Variants in INF2 observed in about 807,000 individuals in gnomAD.
INF2 encodes the protein inverted formin-2.
A neutral mutation model predicts 123.5 loss-of-function variants in INF2; 43 were observed. The ratio of observed to expected loss-of-function variants is 0.35; its 90% CI spans 0.27 to 0.45. INF2 has a LOEUF of 0.45. INF2 is among the 20% of genes least tolerant of loss of function. The pLI is 1.00. For synonymous variants in INF2, 851 were observed against 745.0 expected (o/e 1.14, Z -2.32); for missense variants, 1,453 against 1,682.7 (o/e 0.86, Z 2.39).
chr14:104,713,195 C>T lies in INF2; in HGVS notation c.2776-12C>T. 2 of 1,560,212 alleles carry T rather than the reference C, an allele frequency of 1.3e-6. No individual in the cohort carries two copies. The highest frequency in any genetic ancestry group is 1.7e-6 in the Non-Finnish European group (2 of 1,153,144). On this transcript the variant is annotated splice_polypyrimidine_tract_variant and intron_variant, in intron 18 of 22. Coordinates refer to ENST00000392634, the MANE Select transcript of INF2 (RefSeq NM_022489.4). ...CCACGCTGGGGTGACGGGGCCACATCTGCCAGTGCAGGAGAACAAGGACCG... is the reference window on the plus strand; with the variant it reads ...CCACGCTGGGGTGACGGGGCCACATTTGCCAGTGCAGGAGAACAAGGACCG...
chr14:104,697,706 G>C (rs1461481750), intron 1 of INF2, among the ~76,000 whole-genome samples: 1 of 152,270 alleles, frequency 6.6e-6, no homozygotes, highest in Non-Finnish European at 1.5e-5. Context: ...GCCAGAGCTA[G>C]AGTCAGGGGA....
chr14:104,707,593 A>G lies in INF2; in HGVS notation c.1326A>G (p.Pro442=), dbSNP rs745746557. ...GSSAEPPPPP[P]PPPLPSVGAK... The stretch of plus-strand genomic sequence containing the variant: ...GTGCCGAGCCCCCTCCCCCTCCCCC[A>G]CCACCCCCCCTGCCCAGTGTGGGGG... The change falls in exon 8 of 23, where the codon CCA becomes CCG. Residue 442 remains proline (P), a synonymous_variant. Coordinates refer to ENST00000392634, the MANE Select transcript of INF2 (RefSeq NM_022489.4). 3.7e-6 allele frequency: 2 copies of G among 545,954 alleles called. No individual in the cohort carries two copies. Among genetic ancestry groups the G allele is most frequent in the Non-Finnish European group, 5.2e-6 (2 of 388,130 alleles). 33.8% of individuals were successfully genotyped at this position (545,954 alleles called of 1,614,324 possible).
At chr14:104,712,359 G>A (rs1449243811) in intron 16 of INF2, 74 bp from the exon 17 acceptor site, 4 of 1,598,062 alleles carry the variant, frequency 2.5e-6, no homozygotes, top group African/African-American at 2.7e-5. Flanking sequence ...GGGGGTGCAG[G>A]GGAGGGGCTC....
In INF2 at chr14:104,712,858, G is replaced by A. The variant is rs1314746427; in HGVS notation, c.2641G>A (p.Glu881Lys). 4 of 1,612,398 alleles carry A rather than the reference G, an allele frequency of 2.5e-6. No individual in the cohort carries two copies. Among genetic ancestry groups the A allele is most frequent in the East Asian group, 4.5e-5 (2 of 44,870 alleles). The stretch of plus-strand genomic sequence containing the variant: ...CATCTCGGCCTTCCGGGCACTGGAT[G>A]AGCTGTTTGAGGCCATCGAGCAGAA... ...ASISAFRALD[E>K]LFEAIEQKQR... The change falls in exon 18 of 23, where the codon GAG becomes AAG. Residue 881 changes from glutamate (E) to lysine (K), a missense_variant. Glu to Lys is a moderately conservative substitution (Grantham distance 56). Transcript: ENST00000392634.
intron 22 of INF2, 124 bp downstream of exon 22, chr14:104,715,464 G>C: frequency 2.2e-6 from 2 of 922,956 alleles, no homozygotes; most frequent in Middle Eastern, 3.1e-4. Context: ...TGGTGCGTCA[G>C]TGTGGCCTTG....
Position 104,709,383 on chromosome 14 carries a change from G to A in INF2, c.2052G>A (p.Glu684=). The A allele has an allele frequency of 1.2e-6, 2 of 1,610,812 alleles. No individual in the cohort carries two copies. The highest frequency in any genetic ancestry group is 8.5e-7 in the Non-Finnish European group (1 of 1,177,970). The change falls in exon 11 of 23, where the codon GAG becomes GAA. Residue 684 remains glutamate (E), a splice_region_variant and synonymous_variant. Coordinates refer to ENST00000392634, the MANE Select transcript of INF2 (RefSeq NM_022489.4). ...TTAAGCTCCTTCCCGAGAAGCACGA[G>A]GTAAGAGGACCACCCCCACACCCCA... ...QLLKLLPEKH[E]IENLRAFTEE...
intron 22 of INF2, among the ~76,000 whole-genome samples, chr14:104,718,161 G>A (rs1298412846): frequency 6.6e-6 from 1 of 152,248 alleles, no homozygotes; most frequent in Non-Finnish European, 1.5e-5. Context: ...TTAGAGTAGT[G>A]GTTCTCAAAC....
rs557668842 is a variant in INF2 at position 104,696,863 on chromosome 14, G to C, written c.-9-4494G>C. On this transcript the variant is annotated intron_variant, in intron 1 of 22. Transcript: ENST00000392634. ...ACCCCCACCACCAACGCTGGCTCAG[G>C]GCCCAGAAGCACCCAGCCCTGTGCC... 2.0e-5 allele frequency among the ~76,000 whole-genome samples: 3 copies of C among 152,198 alleles called. No individual in the cohort carries two copies. The East Asian group carries it at 5.8e-4, about 29-fold the overall frequency.
intron 2 of INF2, among the ~76,000 whole-genome samples, 172 bp from the exon 3 acceptor site, chr14:104,702,933 G>A (rs981580276): frequency 2.6e-5 from 4 of 152,228 alleles, no homozygotes; most frequent in African/African-American, 7.2e-5. Flanking sequence ...CCAGGACACC[G>A]AGGAGTGGGG....
Position 104,707,713 on chromosome 14 carries a change from C to A in INF2, c.1446C>A (p.Gly482=). ...PAPPLPPPLP[G]SCEFLPPPPP... ...CTCCTCTACCACCACCCCTGCCAGGCTCCTGTGAGTTCCTGCCCCCACCAC... is the reference window on the plus strand; with the variant it reads ...CTCCTCTACCACCACCCCTGCCAGGATCCTGTGAGTTCCTGCCCCCACCAC... The change falls in exon 8 of 23, where the codon GGC becomes GGA. Residue 482 remains glycine (G), a synonymous_variant. Coordinates refer to ENST00000392634, the MANE Select transcript of INF2 (RefSeq NM_022489.4). 1 of 1,274,374 alleles carries A rather than the reference C, an allele frequency of 7.8e-7. No homozygotes were observed. 78.9% of individuals were successfully genotyped at this position (1,274,374 alleles called of 1,614,324 possible).
Position 104,707,525 on chromosome 14 carries a change from A to ACCCCCCCCCCCCCCCCCCCCCCC in INF2, c.1262_1263insCCCCCCCCCCCCCCCCCCCCCCC (p.Leu429HisfsTer137). ...CAGAGCCCTGGAGCAGCAGGCGTCCACCCCACCCCCACCCCCACCCCCACC... is the reference window on the plus strand; with the variant it reads ...CAGAGCCCTGGAGCAGCAGGCGTCCACCCCCCCCCCCCCCCCCCCCCCCCCCCACCCCCACCCCCACCCCCACC... On this transcript the variant is annotated frameshift_variant, in exon 8 of 23. Transcript: ENST00000392634. LOFTEE classifies it high-confidence loss of function. 2 of 1,379,220 alleles carry ACCCCCCCCCCCCCCCCCCCCCCC rather than the reference A, an allele frequency of 1.5e-6. No individual in the cohort carries two copies. Among genetic ancestry groups the ACCCCCCCCCCCCCCCCCCCCCCC allele is most frequent in the East Asian group, 3.5e-5 (1 of 28,540 alleles). 85.4% of individuals were successfully genotyped at this position (1,379,220 alleles called of 1,614,324 possible).
intron 8 of INF2, 146 bp downstream of exon 8, chr14:104,708,148 C>T (rs1889873561): frequency 5.3e-6 from 7 of 1,331,030 alleles, no homozygotes; most frequent in Non-Finnish European, 6.2e-6. Flanking sequence ...CTGGGCTCGG[C>T]GCCTGTGGTT....
chr14:104,694,594 A>G (rs994213107), intron 1 of INF2, among the ~76,000 whole-genome samples: 2 of 152,188 alleles, frequency 1.3e-5, no homozygotes, highest in African/African-American at 4.8e-5. Context: ...ACTCATCCGC[A>G]TTTGAGGACA....
At position 104,707,997 on chromosome 14, in the gene INF2, C is replaced by T. The variant is rs1185302468; in HGVS notation, c.1730C>T (p.Ala577Val). The T allele has an allele frequency of 6.3e-7, 1 of 1,598,210 alleles. No homozygotes were observed. Among genetic ancestry groups the T allele is most frequent in the Non-Finnish European group, 8.5e-7 (1 of 1,179,716 alleles). The change falls in exon 8 of 23, where the codon GCA becomes GTA. Residue 577 changes from alanine (A) to valine (V), a missense_variant. By Grantham distance (64) the Ala-to-Val change is moderately conservative. This residue lies in a region of INF2 where 192 missense variants were observed against 274.4 expected (regional missense o/e 0.70). Coordinates refer to ENST00000392634, the MANE Select transcript of INF2 (RefSeq NM_022489.4). Reference protein sequence around the residue: ...LNWQKLPSNVAREHNSMWASL... With the variant: ...LNWQKLPSNVVREHNSMWASL... ...TGGCAGAAGCTGCCATCCAACGTGG[C>T]ACGTGGTGAGGGTCCCCAGACCCCC...
Position 104,706,114 on chromosome 14 carries a change from C to G in INF2, c.781C>G (p.Arg261Gly), listed in dbSNP as rs371266809. 1.2e-6 allele frequency: 2 copies of G among 1,611,838 alleles called. No individual in the cohort carries two copies. The highest frequency in any genetic ancestry group is 8.5e-7 in the Non-Finnish European group (1 of 1,179,410). ...AKAEDEEELL[R>G]VSGGVDMSSH... ...GGCCGAGGACGAGGAGGAGCTGCTG[C>G]GAGTCTCTGGCGGGGTCGACATGAG... is the stretch of plus-strand genomic sequence containing the variant. The change falls in exon 6 of 23, where the codon CGA becomes GGA. Residue 261 changes from arginine to glycine, a missense_variant. Arg to Gly is a moderately radical substitution (Grantham distance 125). Around this residue, in one of 8 missense-constraint regions of INF2, gnomAD observed 251 missense variants for 349.4 expected, o/e 0.72. Coordinates refer to ENST00000392634, the MANE Select transcript of INF2 (RefSeq NM_022489.4).
chr14:104,701,936 T>C (rs1288292085), intron 2 of INF2, among the ~76,000 whole-genome samples, 180 bp downstream of exon 2: 1 of 152,076 alleles, frequency 6.6e-6, no homozygotes, highest in Non-Finnish European at 1.5e-5. Flanking sequence ...CCACATTCAC[T>C]CCGAGTCTGA....
At chr14:104,709,501 C>T in intron 11 of INF2, 118 bp downstream of exon 11, 1 of 1,286,880 alleles carries the variant, frequency 7.8e-7, no homozygotes, top group Non-Finnish European at 1.1e-6. Context: ...CTACCTCTGC[C>T]CTGAACCGTG....
At chr14:104,711,888 C>T (rs1890065922) in intron 16 of INF2, among the ~76,000 whole-genome samples, 189 bp downstream of exon 16, 1 of 152,218 alleles carries the variant, frequency 6.6e-6, no homozygotes, top group Non-Finnish European at 1.5e-5. Context: ...CTATCCCCTT[C>T]TGACTTAAGC....
At chr14:104,686,084 A>G (rs1888655555), upstream of INF2, among the ~76,000 whole-genome samples, 1 of 142,446 alleles carries the variant, frequency 7.0e-6, no homozygotes, top group Admixed American at 6.9e-5. Flanking sequence ...TGGGTGGATC[A>G]GTCGGTGGGT....
Sources: allele counts gnomAD v4.1 joint callset (sites outside exome capture counted in the v4.1 genomes callset), GRCh38; gene constraint gnomAD v4.1.1; regional missense constraint gnomAD v4.1.1; transcripts MANE v1.5; gene names NCBI Gene and HGNC (gene_info 2026-07-23, HGNC 2026-07-21).